Variants in LHFPL3 observed in about 807,000 individuals in gnomAD.
The protein encoded by LHFPL3 is LHFPL tetraspan subfamily member 3 protein.
A neutral mutation model predicts 19.3 loss-of-function variants in LHFPL3; 5 were observed. The observed-to-expected ratio is 0.26, with a 90% confidence interval of 0.14 to 0.54. The LOEUF (loss-of-function observed/expected upper bound fraction) is 0.54. LHFPL3 is among the 20% of genes least tolerant of loss of function. LHFPL3 has a pLI of 0.94. For missense variants in LHFPL3, 249 were observed against 307.4 expected, an observed-to-expected ratio of 0.81 and a Z score of 1.42; for synonymous variants, 133 against 126.2, an observed-to-expected ratio of 1.05 and a Z score of -0.36.
At chr7:104,408,867 T>TTTTTTTTTTTTC (rs1791476611) in intron 1 of LHFPL3, among the ~76,000 whole-genome samples, 1 of 133,306 alleles carries the variant, frequency 7.5e-6, no homozygotes, top group Non-Finnish European at 1.6e-5. Context: ...TTTCTTTCTT[T>TTTTTTTTTTTTC]TTTTTTTTTT....
chr7:104,364,615 GA>G lies in LHFPL3; in HGVS notation c.445+35394del, dbSNP rs1402529590. On this transcript the variant is annotated intron_variant, in intron 1 of 2. Coordinates refer to ENST00000424859, the MANE Select transcript of LHFPL3 (RefSeq NM_199000.3). ...TCACAACTAGATTTAGGTGTTGGGAGAAAGGATAGGGTGTTAGGAGAAAGGG... is the reference window on the plus strand; with the variant it reads ...TCACAACTAGATTTAGGTGTTGGGAGAAGGATAGGGTGTTAGGAGAAAGGG... Among the ~76,000 whole-genome samples the G allele has an allele frequency of 2.6e-5, 4 of 152,326 alleles. No homozygotes were observed. The East Asian group carries it at 7.7e-4, about 29-fold the overall frequency.
intron 2 of LHFPL3, among the ~76,000 whole-genome samples, chr7:104,769,243 C>T (rs1163762216): frequency 6.6e-6 from 1 of 152,126 alleles, no homozygotes; most frequent in Admixed American, 6.5e-5. Flanking sequence ...TAAGAAGGGA[C>T]CAGGAAGAGC....
intron 1 of LHFPL3, among the ~76,000 whole-genome samples, chr7:104,559,486 G>C (rs912863972): frequency 2.0e-5 from 3 of 149,706 alleles, no homozygotes; most frequent in African/African-American, 7.5e-5. Flanking sequence ...CTGTTTGTCT[G>C]TTGTTGGTGT....
chr7:104,837,119 G>A (rs969931026), intron 2 of LHFPL3, among the ~76,000 whole-genome samples: 1 of 152,142 alleles, frequency 6.6e-6, no homozygotes, highest in Non-Finnish European at 1.5e-5. Context: ...TTAAAGTTTG[G>A]CAAGGTACTT....
At chr7:104,517,820 A>G (rs1373191508) in intron 1 of LHFPL3, among the ~76,000 whole-genome samples, 1 of 152,180 alleles carries the variant, frequency 6.6e-6, no homozygotes, top group East Asian at 1.9e-4. Flanking sequence ...TTGCATTATT[A>G]TAACACAATT....
intron 1 of LHFPL3, among the ~76,000 whole-genome samples, chr7:104,711,857 C>T (rs528449893): frequency 2.6e-5 from 4 of 152,180 alleles, no homozygotes; most frequent in East Asian, 1.9e-4. Flanking sequence ...ATCTCATGCC[C>T]GTCAATTTGG....
intron 1 of LHFPL3, among the ~76,000 whole-genome samples, chr7:104,365,801 A>AAAAAAAAAAAAAAAAAAAAG (rs893610992): frequency 1.4e-5 from 2 of 142,256 alleles, no homozygotes; most frequent in African/African-American, 2.6e-5. Context: ...AAAAAAAAAA[A>AAAAAAAAAAAAAAAAAAAAG]AAAAGAAAAG....
chr7:104,483,140 A>T (rs1365256535), intron 1 of LHFPL3, among the ~76,000 whole-genome samples: 3 of 152,208 alleles, frequency 2.0e-5, no homozygotes, highest in Non-Finnish European at 2.9e-5. Context: ...TGTGATTTTT[A>T]AAAAATGGAA....
chr7:104,707,659 T>C (rs1793218231), intron 1 of LHFPL3, among the ~76,000 whole-genome samples: 1 of 152,170 alleles, frequency 6.6e-6, no homozygotes, highest in Admixed American at 6.5e-5. Flanking sequence ...TAGTAGTGTT[T>C]TTTTGTGTAT....
intron 1 of LHFPL3, among the ~76,000 whole-genome samples, chr7:104,615,894 CA>C (rs1358138812): frequency 2.0e-5 from 3 of 152,084 alleles, no homozygotes. Flanking sequence ...ACAATTGCTA[CA>C]AAGAGAATAA....
chr7:104,619,257 T>C lies in LHFPL3; in HGVS notation c.446-117418T>C, dbSNP rs1791401103. 3.9e-5 allele frequency among the ~76,000 whole-genome samples: 6 copies of C among 152,344 alleles called. 1 individual carries two copies. In the South Asian group the frequency reaches 1.2e-3, roughly 32 times the overall value. ...CTAATAATGTTGACTTCTGATACTA[T>C]TTTGAGGCCACAGTATACAAAATAT... is the stretch of plus-strand genomic sequence containing the variant. On this transcript the variant is annotated intron_variant, in intron 1 of 2. Coordinates refer to ENST00000424859, the MANE Select transcript of LHFPL3 (RefSeq NM_199000.3).
chr7:104,809,443 G>A (rs752285948), intron 2 of LHFPL3, among the ~76,000 whole-genome samples: 9 of 152,130 alleles, frequency 5.9e-5, no homozygotes, highest in South Asian at 2.1e-4. Flanking sequence ...GACCATCCAC[G>A]TTCTGCCTTT....
At chr7:104,396,742 A>C (rs1791195860) in intron 1 of LHFPL3, among the ~76,000 whole-genome samples, 1 of 151,872 alleles carries the variant, frequency 6.6e-6, no homozygotes, top group African/African-American at 2.4e-5. Context: ...AGATTGCTCG[A>C]GCTCAGGAGT....
chr7:104,733,744 G>C (rs1485885302), intron 1 of LHFPL3, among the ~76,000 whole-genome samples: 1 of 152,176 alleles, frequency 6.6e-6, no homozygotes, highest in Non-Finnish European at 1.5e-5. Context: ...ATTGTTATGT[G>C]TGAATTTGAT....
chr7:104,837,327 C>T (rs1290625358), intron 2 of LHFPL3, among the ~76,000 whole-genome samples: 1 of 152,188 alleles, frequency 6.6e-6, no homozygotes, highest in Non-Finnish European at 1.5e-5. Context: ...AGGGATCATA[C>T]CTACACCTTT....
chr7:104,389,735 A>G (rs750979309), intron 1 of LHFPL3, among the ~76,000 whole-genome samples: 3 of 152,170 alleles, frequency 2.0e-5, no homozygotes, highest in Admixed American at 6.6e-5. Flanking sequence ...GATTTTCAAC[A>G]GGGATGTCAA....
intron 2 of LHFPL3, among the ~76,000 whole-genome samples, chr7:104,781,804 C>T (rs1006381427): frequency 5.3e-5 from 8 of 152,166 alleles, no homozygotes; most frequent in Non-Finnish European, 8.8e-5. Context: ...CCACTCCTTC[C>T]TACTTGAAGT....
intron 1 of LHFPL3, among the ~76,000 whole-genome samples, chr7:104,378,578 A>T (rs1005389457): frequency 1.3e-5 from 2 of 152,176 alleles, no homozygotes; most frequent in Non-Finnish European, 2.9e-5. Context: ...AATTTCCTGG[A>T]CATATGATAA....
chr7:104,375,144 G>T (rs1394402384), intron 1 of LHFPL3, among the ~76,000 whole-genome samples: 2 of 152,120 alleles, frequency 1.3e-5, no homozygotes, highest in African/African-American at 2.4e-5. Context: ...TTTGAGACCA[G>T]CCTGGCCAAC....
Sources: allele counts gnomAD v4.1 joint callset (sites outside exome capture counted in the v4.1 genomes callset), GRCh38; gene constraint gnomAD v4.1.1; transcripts MANE v1.5; gene names NCBI Gene and HGNC (gene_info 2026-07-23, HGNC 2026-07-21).